The following TFAP2D variants were observed in gnomAD, a reference collection of about 807,000 sequenced individuals.
The protein encoded by TFAP2D is transcription factor AP-2-delta.
In TFAP2D, 9 loss-of-function variants were observed where a neutral mutation model predicts 43.6. The ratio of observed to expected loss-of-function variants is 0.21; its 90% CI spans 0.12 to 0.36. The LOEUF (loss-of-function observed/expected upper bound fraction) is 0.36, where lower values mean the gene tolerates loss of function less well. TFAP2D is among the 10% of genes least tolerant of loss of function. The pLI, the probability that TFAP2D is intolerant of heterozygous loss-of-function variation, is 1.00. For missense variants in TFAP2D, 513 were observed against 561.4 expected, an observed-to-expected ratio of 0.91 and a Z score of 0.87; for synonymous variants, 256 against 224.9, an observed-to-expected ratio of 1.14 and a Z score of -1.24.
Position 50,726,361 on chromosome 6 carries a change from T to A in TFAP2D, c.599-2495T>A, listed in dbSNP as rs115945171. Reference sequence around the variant, plus strand: ...ATTGTGGTATTCCCTACCCTTAGCATCCAGGAAAATAATTCATACATATAC... The same window carrying A: ...ATTGTGGTATTCCCTACCCTTAGCAACCAGGAAAATAATTCATACATATAC... On this transcript the variant is annotated intron_variant, in intron 3 of 7. Transcript: ENST00000008391. Among the ~76,000 whole-genome samples, 366 of 152,350 alleles carry A rather than the reference T, an allele frequency of 2.4e-3. 1 individual carries two copies. Among genetic ancestry groups the A allele is most frequent in the African/African-American group, 8.4e-3 (351 of 41,576 alleles).
chr6:50,769,643 C>T (rs1175573795), intron 7 of TFAP2D, among the ~76,000 whole-genome samples: 4 of 152,162 alleles, frequency 2.6e-5, no homozygotes, highest in African/African-American at 9.7e-5. Context: ...CTGATTTTAC[C>T]AGCCATCAAG....
At chr6:50,757,958 T>C (rs2113890396) in intron 7 of TFAP2D, among the ~76,000 whole-genome samples, 1 of 150,146 alleles carries the variant, frequency 6.7e-6, no homozygotes, top group African/African-American at 2.4e-5. Context: ...TAGCGAATAG[T>C]ATGTATGCAA....
chr6:50,716,114 C>T (rs1039910016), intron 2 of TFAP2D, among the ~76,000 whole-genome samples: 5 of 152,032 alleles, frequency 3.3e-5, no homozygotes, highest in Non-Finnish European at 7.4e-5. Flanking sequence ...GATCTTACTA[C>T]AAACAGGCTT....
At chr6:50,716,041 T>C (rs993199209) in intron 2 of TFAP2D, among the ~76,000 whole-genome samples, 2 of 152,028 alleles carry the variant, frequency 1.3e-5, no homozygotes, top group African/African-American at 4.8e-5. Flanking sequence ...GTACCCTCAA[T>C]CTCCGCACTT....
intron 3 of TFAP2D, among the ~76,000 whole-genome samples, chr6:50,722,820 G>C (rs774252933): frequency 6.6e-5 from 10 of 152,030 alleles, no homozygotes; most frequent in Admixed American, 3.9e-4. Context: ...AAAAGGGGGG[G>C]GCGGGGGATG....
chr6:50,714,998 G>C, intron 1 of TFAP2D, 118 bp from the exon 2 acceptor site: 9 of 1,375,224 alleles, frequency 6.5e-6, no homozygotes, highest in Non-Finnish European at 8.8e-6. Context: ...CGAGTCCTAC[G>C]CGCTCGCTTT....
Position 50,765,791 on chromosome 6 carries a change from A to T in TFAP2D, c.1140-6854A>T, listed in dbSNP as rs1327652908. Among the ~76,000 whole-genome samples the T allele has an allele frequency of 2.0e-5, 3 of 151,884 alleles. No homozygotes were observed. The East Asian group carries it at 5.8e-4, about 29-fold the overall frequency. On this transcript the variant is annotated intron_variant, in intron 7 of 7. Coordinates refer to ENST00000008391, the MANE Select transcript of TFAP2D (RefSeq NM_172238.4). ...TTTTGTACCAAATGTATGGTTTGCT[A>T]ATATTTTCTCCCATTCCATGGGTTG... is the stretch of plus-strand genomic sequence containing the variant.
intron 3 of TFAP2D, among the ~76,000 whole-genome samples, chr6:50,721,981 G>C (rs1354391156): frequency 1.3e-5 from 2 of 152,200 alleles, no homozygotes; most frequent in Non-Finnish European, 2.9e-5. Context: ...GAGGGCTTGG[G>C]CATTCTCAGT....
chr6:50,749,698 A>G (rs1482173439), intron 6 of TFAP2D, among the ~76,000 whole-genome samples: 1 of 151,952 alleles, frequency 6.6e-6, no homozygotes. Flanking sequence ...AATATGGGCA[A>G]TACACCTGAA....
intron 1 of TFAP2D, among the ~76,000 whole-genome samples, chr6:50,714,793 TGGGCAG>T (rs1174568199): frequency 2.0e-5 from 3 of 151,894 alleles, no homozygotes; most frequent in African/African-American, 7.3e-5. Context: ...CTGCACAAGT[TGGGCAG>T]GGGCTGTGTG....
intron 7 of TFAP2D, among the ~76,000 whole-genome samples, chr6:50,753,092 C>T (rs950468893): frequency 4.0e-5 from 6 of 151,790 alleles, no homozygotes; most frequent in Admixed American, 2.0e-4. Context: ...TTTGTTTGTG[C>T]GCATAATAAA....
intron 7 of TFAP2D, among the ~76,000 whole-genome samples, chr6:50,768,215 ATTTTT>A (rs751542249): frequency 1.1e-5 from 1 of 91,196 alleles, no homozygotes; most frequent in Non-Finnish European, 2.2e-5. Context: ...CCTTAGTCTT[ATTTTT>A]TTTTTTTTTT....
intron 7 of TFAP2D, among the ~76,000 whole-genome samples, chr6:50,763,956 A>C (rs980080152): frequency 6.6e-5 from 10 of 152,192 alleles, no homozygotes; most frequent in Non-Finnish European, 1.3e-4. Context: ...TGTAAGCCTG[A>C]AAAGAGTAAA....
Position 50,764,097 on chromosome 6 carries a change from C to A in TFAP2D, c.1140-8548C>A, listed in dbSNP as rs1684854143. Among the ~76,000 whole-genome samples the A allele has an allele frequency of 2.0e-5, 3 of 152,080 alleles. No individual in the cohort carries two copies. In the South Asian group the frequency reaches 6.2e-4, roughly 31 times the overall value. Reference sequence around the variant, plus strand: ...AAAATCTTTTTTCCTCCTGCTTTAACTATTAAGGCATGTCTCTCTGTTTAA... The same window carrying A: ...AAAATCTTTTTTCCTCCTGCTTTAAATATTAAGGCATGTCTCTCTGTTTAA... On this transcript the variant is annotated intron_variant, in intron 7 of 7. Transcript: ENST00000008391.
chr6:50,758,861 G>A (rs1769326471), intron 7 of TFAP2D, among the ~76,000 whole-genome samples: 1 of 151,964 alleles, frequency 6.6e-6, no homozygotes, highest in Non-Finnish European at 1.5e-5. Flanking sequence ...TGAGTTAGGG[G>A]AGATCTTCCT....
At chr6:50,751,498 T>TA (rs1463318648) in intron 7 of TFAP2D, among the ~76,000 whole-genome samples, 174 bp downstream of exon 7, 4 of 151,992 alleles carry the variant, frequency 2.6e-5, no homozygotes, top group African/African-American at 9.7e-5. Context: ...AACAGAAATA[T>TA]ATTTTTTACA....
chr6:50,729,642 T>G (rs774133669), intron 5 of TFAP2D, among the ~76,000 whole-genome samples: 1 of 152,168 alleles, frequency 6.6e-6, no homozygotes, highest in Non-Finnish European at 1.5e-5. Context: ...ATTTCAGAGT[T>G]TAAGTGAATC....
At chr6:50,761,789 T>C (rs1021000740) in intron 7 of TFAP2D, among the ~76,000 whole-genome samples, 2 of 152,096 alleles carry the variant, frequency 1.3e-5, no homozygotes, top group Admixed American at 1.3e-4. Context: ...CTATACTTAC[T>C]TAGATTAGAG....
chr6:50,744,537 G>T (rs190891165), intron 5 of TFAP2D, among the ~76,000 whole-genome samples: 1 of 152,148 alleles, frequency 6.6e-6, no homozygotes, highest in Admixed American at 6.5e-5. Flanking sequence ...ATTTTACTTT[G>T]CTGGGAAGCC....
Sources: gnomAD v4.1 joint callset for allele counts (sites outside exome capture counted in the v4.1 genomes callset) on GRCh38, gnomAD v4.1.1 for gene constraint, MANE v1.5 for transcripts, NCBI Gene and HGNC (gene_info 2026-07-23, HGNC 2026-07-21) for gene names.